SOX6: variants seen among roughly 807,000 people sequenced by gnomAD.
SOX6 encodes the protein SRY-box transcription factor 6.
Under a neutral mutation model 97.8 loss-of-function variants are expected in SOX6, and 11 were observed. The observed-to-expected ratio is 0.11, with a 90% CI of 0.07 to 0.19. The LOEUF is 0.19. SOX6 is among the 10% of genes least tolerant of loss of function. SOX6 has a pLI of 1.00. For missense variants in SOX6, 810 were observed against 1,039.5 expected, an observed-to-expected ratio of 0.78 and a Z score of 3.04; for synonymous variants, 360 against 371.4, an observed-to-expected ratio of 0.97 and a Z score of 0.35.
chr11:16,467,130 A>T (rs1020067216), intron 1 of SOX6, among the ~76,000 whole-genome samples: 8 of 152,152 alleles, frequency 5.3e-5, no homozygotes, highest in Admixed American at 5.2e-4. Flanking sequence ...TTAAAAAGTC[A>T]AAAAATAACA....
At chr11:16,268,464 A>G (rs568852000) in intron 3 of SOX6, among the ~76,000 whole-genome samples, 2 of 151,208 alleles carry the variant, frequency 1.3e-5, no homozygotes, top group South Asian at 4.1e-4. Context: ...GGATCATTTC[A>G]TAATGGCAAA....
upstream of SOX6, among the ~76,000 whole-genome samples, chr11:16,480,192 T>C (rs959941208): frequency 6.6e-6 from 1 of 152,184 alleles, no homozygotes; most frequent in Non-Finnish European, 1.5e-5. Flanking sequence ...ATGTTAACAT[T>C]GGGCAGGGTG....
At chr11:16,031,537 C>T (rs1210749268) in intron 12 of SOX6, 1 of 152,218 alleles carries the variant, frequency 6.6e-6, no homozygotes, top group African/African-American at 2.4e-5. Flanking sequence ...CTATCAAGGA[C>T]ACAGGAGTAG....
chr11:16,690,707 C>G (rs569796395), intron 3 of SOX6, among the ~76,000 whole-genome samples: 1 of 152,274 alleles, frequency 6.6e-6, no homozygotes, highest in East Asian at 1.9e-4. Flanking sequence ...GCATTGCTGG[C>G]CATTTCCAAG....
intron 1 of SOX6, among the ~76,000 whole-genome samples, chr11:16,444,461 G>T (rs1194527531): frequency 6.6e-6 from 1 of 151,956 alleles, no homozygotes; most frequent in African/African-American, 2.4e-5. Flanking sequence ...CCTCTTACTT[G>T]TTTCTCACTA....
intron 7 of SOX6, among the ~76,000 whole-genome samples, chr11:16,099,065 AGT>A (rs201689938): frequency 1.9e-3 from 290 of 151,910 alleles, no homozygotes; most frequent in African/African-American, 6.8e-3. Context: ...CATTGAGCAC[AGT>A]GTGTGCTTGT....
At chr11:16,428,640 A>G (rs573050706) in intron 1 of SOX6, among the ~76,000 whole-genome samples, 18 of 152,216 alleles carry the variant, frequency 1.2e-4, no homozygotes, top group South Asian at 8.3e-4. Context: ...AGTTGTAGAT[A>G]TGTGGCATTA....
chr11:15,986,537 C>A, intron 14 of SOX6, 117 bp from the exon 15 acceptor site: 1 of 893,594 alleles, frequency 1.1e-6, no homozygotes, highest in Non-Finnish European at 1.8e-6. Flanking sequence ...GGCTCCAATT[C>A]CCACATACCA....
intron 12 of SOX6, among the ~76,000 whole-genome samples, chr11:16,033,419 T>G (rs74415943): frequency 0.038 from 5,755 of 152,244 alleles, 348 homozygotes; most frequent in African/African-American, 0.13. Flanking sequence ...AGCTGAGATT[T>G]GGATTTAGAC....
intron 10 of SOX6, among the ~76,000 whole-genome samples, chr11:16,050,173 A>G (rs557110716): frequency 6.6e-6 from 1 of 152,070 alleles, no homozygotes; most frequent in South Asian, 2.1e-4. Flanking sequence ...CTTTTTGCCA[A>G]ATTAAAATCT....
chr11:16,208,427 A>G (rs1852129650), intron 4 of SOX6, among the ~76,000 whole-genome samples: 1 of 152,232 alleles, frequency 6.6e-6, no homozygotes, highest in South Asian at 2.1e-4. Context: ...ATGGTGAGTG[A>G]AATTCCTGGC....
chr11:16,465,518 T>C (rs7118874), intron 1 of SOX6, among the ~76,000 whole-genome samples: 33,381 of 152,106 alleles, frequency 0.22, 4,164 homozygotes, highest in East Asian at 0.51. Flanking sequence ...TACTAGTGGC[T>C]GTAATTAAAA....
intron 3 of SOX6, among the ~76,000 whole-genome samples, chr11:16,309,227 T>C (rs1855526128): frequency 6.6e-6 from 1 of 152,212 alleles, no homozygotes; most frequent in African/African-American, 2.4e-5. Context: ...AGAATCTTCA[T>C]ATGTTATTGT....
At chr11:16,368,157 T>C (rs919163362) in intron 1 of SOX6, among the ~76,000 whole-genome samples, 2 of 152,154 alleles carry the variant, frequency 1.3e-5, no homozygotes, top group Non-Finnish European at 2.9e-5. Context: ...TTGCAAATTA[T>C]AGCAGACAAC....
Position 16,197,128 on chromosome 11 carries a change from C to T in SOX6, c.536-10173G>A, listed in dbSNP as rs1222038763. Among the ~76,000 whole-genome samples the T allele has an allele frequency of 2.6e-5, 4 of 152,240 alleles. No homozygotes were observed. In the East Asian group the frequency reaches 7.7e-4, roughly 29 times the overall value. ...GGATTACAGGCGGGAGCCACCACGC[C>T]CAACATCCTCTGGCTTTTTAGTGCC... On this transcript the variant is annotated intron_variant, in intron 4 of 15. Coordinates refer to ENST00000683767, the MANE Select transcript of SOX6 (RefSeq NM_001367873.1).
intron 4 of SOX6, among the ~76,000 whole-genome samples, chr11:16,554,591 A>G (rs1847730370): frequency 6.6e-6 from 1 of 152,074 alleles, no homozygotes; most frequent in Non-Finnish European, 1.5e-5. Context: ...CTCTGTAATG[A>G]TCTCCCAAAA....
At chr11:16,468,982 T>C (rs564079593) in intron 1 of SOX6, among the ~76,000 whole-genome samples, 1 of 152,002 alleles carries the variant, frequency 6.6e-6, no homozygotes. Context: ...CACTGATAAT[T>C]GAGCAATTAA....
intron 3 of SOX6, among the ~76,000 whole-genome samples, chr11:16,681,849 C>T (rs547635072): frequency 6.6e-6 from 1 of 152,272 alleles, no homozygotes; most frequent in South Asian, 2.1e-4. Context: ...TACAAATAAA[C>T]TAGAAAATCT....
intron 4 of SOX6, among the ~76,000 whole-genome samples, chr11:16,506,465 G>A (rs760710818): frequency 4.6e-5 from 7 of 152,336 alleles, no homozygotes; most frequent in East Asian, 1.9e-4. Context: ...ATAGGTGGAA[G>A]GGACTTGCCT....
Sources: allele counts gnomAD v4.1 joint callset (sites outside exome capture counted in the v4.1 genomes callset), GRCh38; gene constraint gnomAD v4.1.1; transcripts MANE v1.5; gene names NCBI Gene and HGNC (gene_info 2026-07-23, HGNC 2026-07-21).